The following HUNK variants were observed in gnomAD, a reference collection of about 807,000 sequenced individuals.
HUNK encodes the protein hormonally up-regulated Neu-associated kinase.
HUNK carries 21 observed loss-of-function variants against 61.0 expected under a neutral mutation model. The ratio of observed to expected loss-of-function variants is 0.34; its 90% CI spans 0.24 to 0.50. The LOEUF (loss-of-function observed/expected upper bound fraction) is 0.50. HUNK is among the 20% of genes least tolerant of loss of function. The pLI is 0.98. For synonymous variants in HUNK, 371 were observed against 386.1 expected, an observed-to-expected ratio of 0.96 and a Z score of 0.46; for missense variants, 772 against 945.7, an observed-to-expected ratio of 0.82 and a Z score of 2.41.
Position 31,999,195 on chromosome 21 carries a change from C to G in HUNK, c.*11C>G. ...AAGACCCAGTGCTAACTTGGGCCAG[C>G]GGGGTTTGGGGTATCTCTAGAAAAC... On this transcript the variant is annotated 3_prime_UTR_variant, in exon 11 of 11. Transcript: ENST00000270112. The G allele has an allele frequency of 1.9e-6, 3 of 1,582,952 alleles. No homozygotes were observed. The highest frequency in any genetic ancestry group is 2.6e-6 in the Non-Finnish European group (3 of 1,165,212).
At chr21:31,993,956 T>C (rs2053187023) in intron 9 of HUNK, among the ~76,000 whole-genome samples, 1 of 152,194 alleles carries the variant, frequency 6.6e-6, no homozygotes, top group Non-Finnish European at 1.5e-5. Flanking sequence ...CTGCAGGCTC[T>C]GAGAGTGTGG....
At chr21:31,979,682 AT>A (rs1204199850) in intron 7 of HUNK, among the ~76,000 whole-genome samples, 1 of 150,734 alleles carries the variant, frequency 6.6e-6, no homozygotes, top group African/African-American at 2.4e-5. Flanking sequence ...CACCTGGCTA[AT>A]TTTTTGTATT....
At chr21:31,874,632 C>T (rs1241022639) in intron 1 of HUNK, among the ~76,000 whole-genome samples, 1 of 151,610 alleles carries the variant, frequency 6.6e-6, no homozygotes, top group African/African-American at 2.4e-5. Context: ...ATTCTCATCC[C>T]CTTCTCTCCG....
intron 10 of HUNK, 109 bp downstream of exon 10, chr21:31,996,057 G>C (rs972177098): frequency 1.2e-6 from 1 of 838,566 alleles, no homozygotes. Flanking sequence ...GATGATTCCT[G>C]TGCCCACAGA....
At chr21:31,898,922 T>C (rs1238526869) in intron 1 of HUNK, among the ~76,000 whole-genome samples, 1 of 152,172 alleles carries the variant, frequency 6.6e-6, no homozygotes, top group East Asian at 1.9e-4. Context: ...TCTTAAGAAA[T>C]ACCATCTGTG....
At chr21:31,940,526 G>A (rs1268023363) in intron 3 of HUNK, among the ~76,000 whole-genome samples, 3 of 152,178 alleles carry the variant, frequency 2.0e-5, no homozygotes, top group Non-Finnish European at 4.4e-5. Context: ...GCTTCCCATA[G>A]CTTCGCCATA....
chr21:31,901,914 AC>A (rs2123799954), intron 1 of HUNK, among the ~76,000 whole-genome samples: 1 of 152,060 alleles, frequency 6.6e-6, no homozygotes, highest in East Asian at 1.9e-4. Context: ...AGGTCATACC[AC>A]CCCTCTAGAT....
chr21:31,963,280 A>T (rs1407374890), intron 5 of HUNK, among the ~76,000 whole-genome samples: 1 of 152,154 alleles, frequency 6.6e-6, no homozygotes, highest in Non-Finnish European at 1.5e-5. Context: ...AGTCTGCTTG[A>T]CTGAAAACCT....
intron 7 of HUNK, among the ~76,000 whole-genome samples, chr21:31,977,581 C>A (rs953723416): frequency 1.3e-5 from 2 of 152,172 alleles, no homozygotes; most frequent in Admixed American, 6.5e-5. Flanking sequence ...ATGTTTACTT[C>A]CACATTTAGA....
chr21:31,915,569 T>TC lies in HUNK; in HGVS notation c.262-8898dup, dbSNP rs556281437. On this transcript the variant is annotated intron_variant, in intron 1 of 10. Coordinates refer to ENST00000270112, the MANE Select transcript of HUNK (RefSeq NM_014586.2). ...GTCTCTTTGATCAGTATATTTTTTT[T>TC]CTTCCTCTCAGTTGTACAGAAGATC... is the stretch of plus-strand genomic sequence containing the variant. Among the ~76,000 whole-genome samples the TC allele has an allele frequency of 1.3e-3, 203 of 152,348 alleles. 2 individuals carry two copies. Among genetic ancestry groups the TC allele is most frequent in the African/African-American group, 4.7e-3 (196 of 41,580 alleles).
chr21:31,990,447 T>C (rs1222037080), intron 9 of HUNK, among the ~76,000 whole-genome samples: 1 of 152,026 alleles, frequency 6.6e-6, no homozygotes, highest in Admixed American at 6.6e-5. Flanking sequence ...AGCCGTTGAC[T>C]GATTGGATGA....
At chr21:31,961,436 G>A (rs148403384) in intron 5 of HUNK, among the ~76,000 whole-genome samples, 14 of 152,292 alleles carry the variant, frequency 9.2e-5, no homozygotes, top group African/African-American at 3.1e-4. Context: ...GCTGGGTTGG[G>A]TAGTAAGCAC....
intron 2 of HUNK, among the ~76,000 whole-genome samples, chr21:31,930,125 G>T (rs1041347171): frequency 6.6e-6 from 1 of 152,192 alleles, no homozygotes; most frequent in Non-Finnish European, 1.5e-5. Context: ...ACAGTGGTCC[G>T]CAGTGCTGAT....
rs1434940334 is a variant in HUNK at position 31,940,210 on chromosome 21, C to T, written c.600C>T (p.Ile200=). The T allele has an allele frequency of 1.3e-6, 2 of 1,566,714 alleles. No homozygotes were observed. Among genetic ancestry groups the T allele is most frequent in the Non-Finnish European group, 1.7e-6 (2 of 1,151,402 alleles). The change falls in exon 3 of 11, where the codon ATC becomes ATT. Residue 200 remains isoleucine (I), a synonymous_variant. Transcript: ENST00000270112. ...TGCTACTAGATGAAGACAATAATAT[C>T]AAGCTGATTGGTATGACTTTTTTTT... ...ENLLLDEDNN[I]KLIDFGLSNC... is the part of the protein sequence containing the mutation.
chr21:31,965,327 C>CA (rs201622659), intron 5 of HUNK, among the ~76,000 whole-genome samples: 287 of 113,480 alleles, frequency 2.5e-3, no homozygotes, highest in South Asian at 4.3e-3. Flanking sequence ...GAGAGAGGAG[C>CA]AAAAAAAAAA....
At chr21:31,888,960 C>G (rs1413346956) in intron 1 of HUNK, among the ~76,000 whole-genome samples, 1 of 152,062 alleles carries the variant, frequency 6.6e-6, no homozygotes, top group African/African-American at 2.4e-5. Flanking sequence ...GGACTGGTAG[C>G]TCTCTGAGTA....
chr21:31,959,671 T>A (rs1165853649), intron 5 of HUNK, among the ~76,000 whole-genome samples: 1 of 152,218 alleles, frequency 6.6e-6, no homozygotes, highest in Non-Finnish European at 1.5e-5. Context: ...CTCCTTAGAA[T>A]AAACTCAGCT....
intron 1 of HUNK, among the ~76,000 whole-genome samples, chr21:31,881,362 C>T (rs2052305993): frequency 6.6e-6 from 1 of 152,122 alleles, no homozygotes; most frequent in African/African-American, 2.4e-5. Context: ...CGTGGTGGCT[C>T]ACGCGTGTAA....
chr21:31,988,679 CT>C (rs36078251), intron 8 of HUNK, among the ~76,000 whole-genome samples: 27 of 146,060 alleles, frequency 1.8e-4, no homozygotes, highest in African/African-American at 6.3e-4. Flanking sequence ...CTTTCTCTTT[CT>C]TTTCTTTTTC....
Sources: allele counts gnomAD v4.1 joint callset (sites outside exome capture counted in the v4.1 genomes callset), GRCh38; gene constraint gnomAD v4.1.1; transcripts MANE v1.5; gene names NCBI Gene and HGNC (gene_info 2026-07-23, HGNC 2026-07-21).